The following PARD6B variants were observed in gnomAD, a reference collection of about 807,000 sequenced individuals.
The protein encoded by PARD6B is par-6 family cell polarity regulator beta, also known as partitioning defective 6 homolog beta.
PARD6B carries 4 observed loss-of-function variants against 10.5 expected under a neutral mutation model. The observed-to-expected ratio is 0.38, with a 90% CI of 0.19 to 0.87. The LOEUF (loss-of-function observed/expected upper bound fraction) is 0.87, where lower values mean the gene tolerates loss of function less well. PARD6B is among the 40% of genes least tolerant of loss of function. PARD6B has a pLI of 0.41. For missense variants in PARD6B, 396 were observed against 470.6 expected, an observed-to-expected ratio of 0.84 and a Z score of 1.47; for synonymous variants, 169 against 170.4, an observed-to-expected ratio of 0.99 and a Z score of 0.07.
rs1257578870 is a variant in PARD6B, at chr20:50,752,664, T to C, written c.*2176T>C. 1.0e-6 allele frequency: 1 copy of C among 978,552 alleles called. No homozygotes were observed. Among genetic ancestry groups the C allele is most frequent in the Non-Finnish European group, 1.2e-6 (1 of 823,372 alleles). 60.6% of individuals were successfully genotyped at this position (978,552 alleles called of 1,614,324 possible). A position where few individuals can be genotyped will look rare whatever the true frequency, so the allele number is the denominator to read the frequency against. On this transcript the variant is annotated 3_prime_UTR_variant, in exon 3 of 3. Transcript: ENST00000371610. ...TATGGTAGGGCTAGTATGAATACCT[T>C]TTTAACAATTGTGTGCTATTACAAC...
intron 1 of PARD6B, among the ~76,000 whole-genome samples, chr20:50,734,070 A>G (rs1318485657): frequency 6.6e-6 from 1 of 152,228 alleles, no homozygotes; most frequent in African/African-American, 2.4e-5. Context: ...TTCTAGGAAC[A>G]TGTGCTGAAT....
intron 1 of PARD6B, among the ~76,000 whole-genome samples, chr20:50,735,911 G>A (rs560203708): frequency 3.9e-5 from 6 of 152,334 alleles, no homozygotes; most frequent in African/African-American, 7.2e-5. Context: ...ACTTCATGTT[G>A]TGATACCAGA....
intron 2 of PARD6B, among the ~76,000 whole-genome samples, chr20:50,742,290 C>T (rs184651723): frequency 5.1e-4 from 77 of 152,260 alleles, no homozygotes; most frequent in African/African-American, 1.9e-3. Flanking sequence ...GTGATCCGCC[C>T]ACCTCGGCCT....
At position 50,745,287 on chromosome 20, in the gene PARD6B, G is replaced by GGT. The variant is rs1186925150; in HGVS notation, c.290-4370_290-4369dup. On this transcript the variant is annotated intron_variant, in intron 2 of 2. Transcript: ENST00000371610. Reference sequence around the variant, plus strand: ...TCTAATACAAAAATTAGCCGGGCATGGTGGTGCATGCTTGTAATCCCAGCT... The same window carrying GGT: ...TCTAATACAAAAATTAGCCGGGCATGGTGTGGTGCATGCTTGTAATCCCAGCT... Among the ~76,000 whole-genome samples the GGT allele has an allele frequency of 3.3e-5, 5 of 152,184 alleles. No homozygotes were observed. In the East Asian group the frequency reaches 9.7e-4, roughly 29 times the overall value.
intron 1 of PARD6B, among the ~76,000 whole-genome samples, chr20:50,734,595 A>C (rs935339378): frequency 6.6e-6 from 1 of 152,034 alleles, no homozygotes; most frequent in South Asian, 2.1e-4. Context: ...CCTGAGCTCT[A>C]GTGATCCGCC....
intron 2 of PARD6B, among the ~76,000 whole-genome samples, chr20:50,743,027 G>A (rs941946925): frequency 6.6e-6 from 1 of 152,194 alleles, no homozygotes; most frequent in African/African-American, 2.4e-5. Context: ...ATGGGGAAGA[G>A]AAGGTACAGA....
intron 2 of PARD6B, among the ~76,000 whole-genome samples, chr20:50,741,670 T>C (rs905142428): frequency 1.3e-5 from 2 of 151,644 alleles, no homozygotes; most frequent in Admixed American, 6.6e-5. Context: ...AGCCTCTGAG[T>C]AGCTGGGACT....
At position 50,750,766 on chromosome 20, in the gene PARD6B, T is replaced by G. The variant is rs1438249356; in HGVS notation, c.*278T>G. The G allele has an allele frequency of 7.6e-6, 9 of 1,187,908 alleles. No individual in the cohort carries two copies. Among genetic ancestry groups the G allele is most frequent in the Non-Finnish European group, 9.4e-6 (9 of 954,288 alleles). 73.6% of individuals were successfully genotyped at this position (1,187,908 alleles called of 1,614,324 possible). A position where few individuals can be genotyped will look rare whatever the true frequency, so the allele number is the denominator to read the frequency against. ...GAGAATCAGATGTTAAAGCACATTC[T>G]TGGAACTATGTGAGAAGACTAGATC... On this transcript the variant is annotated 3_prime_UTR_variant, in exon 3 of 3. Coordinates refer to ENST00000371610, the MANE Select transcript of PARD6B (RefSeq NM_032521.3).
Position 50,750,565 on chromosome 20 carries a change from C to T in PARD6B, c.*77C>T. On this transcript the variant is annotated 3_prime_UTR_variant, in exon 3 of 3. Coordinates refer to ENST00000371610, the MANE Select transcript of PARD6B (RefSeq NM_032521.3). The stretch of plus-strand genomic sequence containing the variant: ...TTGGCTAGTTTAAAAGCATATATAC[C>T]TCTGACCAGTGACGTGGAATAGGCA... The T allele has an allele frequency of 6.7e-7, 1 of 1,502,562 alleles. No homozygotes were observed. The highest frequency in any genetic ancestry group is 1.4e-5 in the African/African-American group (1 of 71,326). 93.1% of individuals were successfully genotyped at this position (1,502,562 alleles called of 1,614,324 possible). A position where few individuals can be genotyped will look rare whatever the true frequency, so the allele number is the denominator to read the frequency against.
In PARD6B at chr20:50,750,627, AAGT is replaced by A. The variant is rs1459778272; in HGVS notation, c.*146_*148del. ...ACGTTGCAAGCTTACAATATTATTA[AAGT>A]AGTAGTTTGATAATTGTTAATATAA... On this transcript the variant is annotated 3_prime_UTR_variant, in exon 3 of 3. Coordinates refer to ENST00000371610, the MANE Select transcript of PARD6B (RefSeq NM_032521.3). 8.5e-6 allele frequency: 12 copies of A among 1,419,816 alleles called. No individual in the cohort carries two copies. Among genetic ancestry groups the A allele is most frequent in the Admixed American group, 3.0e-5 (1 of 33,540 alleles). 88.0% of individuals were successfully genotyped at this position (1,419,816 alleles called of 1,614,324 possible).
chr20:50,734,671 C>A (rs2087490337), intron 1 of PARD6B, among the ~76,000 whole-genome samples: 1 of 151,964 alleles, frequency 6.6e-6, no homozygotes, highest in African/African-American at 2.4e-5. Context: ...GTCCATTTTT[C>A]TCTTACTATT....
At chr20:50,739,946 G>A (rs2087522771) in intron 2 of PARD6B, among the ~76,000 whole-genome samples, 1 of 35,740 alleles carries the variant, frequency 2.8e-5, no homozygotes, top group Non-Finnish European at 6.1e-5. Context: ...CACTGTGGCT[G>A]CTTTGCAGTG....
intron 1 of PARD6B, among the ~76,000 whole-genome samples, chr20:50,732,840 A>G (rs919285388): frequency 6.6e-6 from 1 of 152,156 alleles, no homozygotes; most frequent in East Asian, 1.9e-4. Context: ...GGGCCCTGAG[A>G]ACATTTAAAA....
At chr20:50,731,977 G>A (rs926151565) in intron 1 of PARD6B, 125 bp downstream of exon 1, 1 of 754,480 alleles carries the variant, frequency 1.3e-6, no homozygotes, top group Non-Finnish European at 1.8e-6. Context: ...GGACGGTGCG[G>A]TCGGGAGACT....
intron 2 of PARD6B, among the ~76,000 whole-genome samples, chr20:50,741,410 C>T (rs6091203): frequency 6.6e-6 from 1 of 152,122 alleles, no homozygotes; most frequent in African/African-American, 2.4e-5. Context: ...AGCCCTCCAC[C>T]TTCCCACCTT....
chr20:50,741,634 C>A (rs1390178437), intron 2 of PARD6B, among the ~76,000 whole-genome samples: 2 of 152,042 alleles, frequency 1.3e-5, no homozygotes, highest in African/African-American at 4.8e-5. Flanking sequence ...CGGCTCACTG[C>A]AAGCTCCACA....
At chr20:50,747,489 C>CTTTTTT (rs58629233) in intron 2 of PARD6B, among the ~76,000 whole-genome samples, 709 of 33,388 alleles carry the variant, frequency 0.021, 38 homozygotes, top group East Asian at 0.033. Context: ...TTCTTTCTTT[C>CTTTTTT]TTTTTTTTTT....
intron 2 of PARD6B, among the ~76,000 whole-genome samples, chr20:50,743,323 T>C (rs983636108): frequency 2.0e-5 from 3 of 152,186 alleles, no homozygotes; most frequent in African/African-American, 7.2e-5. Context: ...ACCAGACACA[T>C]ATGTTTACCT....
At chr20:50,744,997 C>G (rs966729562) in intron 2 of PARD6B, among the ~76,000 whole-genome samples, 1 of 152,232 alleles carries the variant, frequency 6.6e-6, no homozygotes, top group African/African-American at 2.4e-5. Flanking sequence ...TTCACCAAAT[C>G]TGTACCACAG....
Sources: allele counts gnomAD v4.1 joint callset (sites outside exome capture counted in the v4.1 genomes callset), GRCh38; gene constraint gnomAD v4.1.1; transcripts MANE v1.5; gene names NCBI Gene and HGNC (gene_info 2026-07-23, HGNC 2026-07-21).